The following RBMS3 variants were observed in gnomAD, a reference collection of about 807,000 sequenced individuals.
RBMS3 encodes RNA binding motif single stranded interacting protein 3, also known as RNA-binding motif, single-stranded-interacting protein 3.
Under a neutral mutation model 66.8 loss-of-function variants are expected in RBMS3, and 27 were observed. The ratio of observed to expected loss-of-function variants is 0.40; its 90% CI spans 0.30 to 0.56. The LOEUF is 0.56. Ranked by LOEUF, RBMS3 falls within the 20% of genes least tolerant of loss-of-function variation. The probability of loss-of-function intolerance (pLI) is 0.40; values close to 1 mark genes in which losing one functional copy is unlikely to be tolerated. For missense variants in RBMS3, 513 were observed against 549.5 expected, an observed-to-expected ratio of 0.93 and a Z score of 0.66; for synonymous variants, 188 against 183.0, an observed-to-expected ratio of 1.03 and a Z score of -0.22.
intron 6 of RBMS3, among the ~76,000 whole-genome samples, chr3:29,778,213 C>A (rs2056491834): frequency 6.6e-6 from 1 of 151,854 alleles, no homozygotes; most frequent in Admixed American, 6.6e-5. Flanking sequence ...AAGAAAATTT[C>A]TTTCTTTGAA....
At chr3:29,509,936 A>G (rs1334279131) in intron 3 of RBMS3, among the ~76,000 whole-genome samples, 1 of 152,266 alleles carries the variant, frequency 6.6e-6, no homozygotes, top group Admixed American at 6.5e-5. Context: ...GAATAAAATG[A>G]TGAATGGCTT....
At chr3:29,990,428 G>A (rs75285353) in intron 13 of RBMS3, among the ~76,000 whole-genome samples, 7,360 of 141,688 alleles carry the variant, frequency 0.052, 282 homozygotes, top group African/African-American at 0.1. Context: ...GACCAATTCC[G>A]GAAATCCACT....
intron 12 of RBMS3, among the ~76,000 whole-genome samples, chr3:29,964,682 T>C (rs911089000): frequency 2.6e-5 from 4 of 152,180 alleles, no homozygotes; most frequent in African/African-American, 9.6e-5. Flanking sequence ...AAAATACTAA[T>C]TTCTGAATGC....
At chr3:29,700,690 A>G (rs181551140) in intron 4 of RBMS3, among the ~76,000 whole-genome samples, 2,823 of 151,324 alleles carry the variant, frequency 0.019, 89 homozygotes, top group African/African-American at 0.063. Flanking sequence ...TTTTTTCAGG[A>G]AAGTGAAGAC....
At chr3:29,634,600 T>C (rs1264421947) in intron 4 of RBMS3, among the ~76,000 whole-genome samples, 26 of 151,826 alleles carry the variant, frequency 1.7e-4, no homozygotes, top group Admixed American at 1.7e-3. Context: ...TTTCCCACAG[T>C]GGTAACTTAC....
chr3:29,533,892 GT>G (rs2045456828), intron 3 of RBMS3, among the ~76,000 whole-genome samples: 1 of 152,202 alleles, frequency 6.6e-6, no homozygotes, highest in South Asian at 2.1e-4. Context: ...TAAATGCCCT[GT>G]GATTAAAAGC....
At position 29,344,840 on chromosome 3, in the gene RBMS3, G is replaced by A. The variant is rs60118073; in HGVS notation, c.75+63084G>A. Among the ~76,000 whole-genome samples, 700 of 152,178 alleles carry A rather than the reference G, an allele frequency of 4.6e-3. 5 individuals carry two copies. Among genetic ancestry groups the A allele is most frequent in the African/African-American group, 0.016 (668 of 41,520 alleles). On this transcript the variant is annotated intron_variant, in intron 1 of 14. Transcript: ENST00000383767. The stretch of plus-strand genomic sequence containing the variant: ...AGCATAGAGGAAATAAATAAAATAG[G>A]TTATCTTGTCATTTTCTCCATAAGG...
intron 1 of RBMS3, among the ~76,000 whole-genome samples, chr3:29,388,264 ACT>A (rs1437284281): frequency 6.6e-6 from 1 of 152,084 alleles, no homozygotes; most frequent in African/African-American, 2.4e-5. Flanking sequence ...TTGTTGTCTG[ACT>A]CTCTGTAATA....
At chr3:29,459,473 T>A (rs1410235135) in intron 2 of RBMS3, among the ~76,000 whole-genome samples, 3 of 152,198 alleles carry the variant, frequency 2.0e-5, no homozygotes, top group Non-Finnish European at 2.9e-5. Context: ...CTGTTTAACA[T>A]TCCATAAGGA....
chr3:29,312,166 T>C (rs765827513), intron 1 of RBMS3, among the ~76,000 whole-genome samples: 5 of 151,784 alleles, frequency 3.3e-5, no homozygotes, highest in African/African-American at 9.7e-5. Context: ...TGTGAACATA[T>C]AGTCTTGTGG....
intron 4 of RBMS3, among the ~76,000 whole-genome samples, chr3:29,716,803 G>C (rs2053417833): frequency 6.6e-6 from 1 of 152,092 alleles, no homozygotes; most frequent in Non-Finnish European, 1.5e-5. Context: ...TTCTGGGTTT[G>C]TGGAAACTTA....
chr3:29,333,572 C>T (rs2035786626), intron 1 of RBMS3, among the ~76,000 whole-genome samples: 1 of 152,146 alleles, frequency 6.6e-6, no homozygotes, highest in East Asian at 1.9e-4. Context: ...TATAGTGAAG[C>T]TACAATTAAG....
intron 1 of RBMS3, among the ~76,000 whole-genome samples, chr3:29,286,888 A>G (rs1485663951): frequency 6.6e-6 from 1 of 152,146 alleles, no homozygotes; most frequent in Non-Finnish European, 1.5e-5. Flanking sequence ...TTTTATTCAG[A>G]GTAAATGGTT....
At chr3:29,403,873 T>C (rs72852371) in intron 1 of RBMS3, among the ~76,000 whole-genome samples, 8,671 of 152,150 alleles carry the variant, frequency 0.057, 416 homozygotes, top group East Asian at 0.19. Context: ...CAATGCTATG[T>C]AGTTCTGAAA....
intron 12 of RBMS3, among the ~76,000 whole-genome samples, chr3:29,971,959 G>C (rs1697258064): frequency 6.6e-6 from 1 of 152,120 alleles, no homozygotes; most frequent in African/African-American, 2.4e-5. Context: ...GCTCTTAACT[G>C]TGAGCAAGTG....
chr3:29,853,662 G>A (rs993610136), intron 6 of RBMS3, among the ~76,000 whole-genome samples: 5 of 151,954 alleles, frequency 3.3e-5, no homozygotes, highest in African/African-American at 1.2e-4. Flanking sequence ...GATTGGTCGG[G>A]TGTAAGCTAA....
At chr3:29,573,841 A>G (rs961240748) in intron 3 of RBMS3, among the ~76,000 whole-genome samples, 9 of 152,120 alleles carry the variant, frequency 5.9e-5, no homozygotes, top group African/African-American at 2.2e-4. Context: ...TCAGGAGCAT[A>G]TTGTTTAATC....
intron 4 of RBMS3, among the ~76,000 whole-genome samples, chr3:29,724,202 T>C (rs1054108913): frequency 6.6e-5 from 10 of 152,200 alleles, no homozygotes; most frequent in African/African-American, 2.4e-4. Flanking sequence ...TAATTTAATA[T>C]AACATCTAGT....
intron 4 of RBMS3, among the ~76,000 whole-genome samples, chr3:29,701,372 A>G (rs987949268): frequency 2.2e-4 from 33 of 152,210 alleles, no homozygotes; most frequent in Non-Finnish European, 1.3e-4. Context: ...CACTCACTGC[A>G]GTCTAGAGAA....
Sources: gnomAD v4.1 joint callset for allele counts (sites outside exome capture counted in the v4.1 genomes callset) on GRCh38, gnomAD v4.1.1 for gene constraint, MANE v1.5 for transcripts, NCBI Gene and HGNC (gene_info 2026-07-23, HGNC 2026-07-21) for gene names.